UBXN11: variants seen among roughly 807,000 people sequenced by gnomAD.
UBXN11 encodes the protein UBX domain-containing protein 11.
A neutral mutation model predicts 62.8 loss-of-function variants in UBXN11; 47 were observed. The ratio of observed to expected loss-of-function variants is 0.75; its 90% CI spans 0.59 to 0.95. UBXN11 has a LOEUF of 0.95. UBXN11 is among the 40% of genes least tolerant of loss of function. UBXN11 has a pLI of 0.00. For synonymous variants in UBXN11, 294 were observed against 267.0 expected, an observed-to-expected ratio of 1.10 and a Z score of -0.99; for missense variants, 638 against 661.7, an observed-to-expected ratio of 0.96 and a Z score of 0.39.
chr1:26,285,744 G>A lies in UBXN11; in HGVS notation c.774+79C>T, dbSNP rs1418853867. 3.3e-6 allele frequency: 5 copies of A among 1,506,310 alleles called. No homozygotes were observed. In the African/African-American group the frequency reaches 5.5e-5, roughly 17 times the overall value. The allele number at this position is 1,506,310 out of a possible 1,614,324, so 93.3% of individuals were successfully genotyped here. ...CCGTGGAGGGCAGGCTGGGCCTGGG[G>A]TGAGCTGGCTTCATCATCCCCAACT... On this transcript the variant is annotated intron_variant, in intron 9 of 14. Coordinates refer to ENST00000374222, the MANE Select transcript of UBXN11 (RefSeq NM_001389556.1).
Position 26,294,423 on chromosome 1 carries a change from C to T in UBXN11, c.433-92G>A, listed in dbSNP as rs896204738. 2.6e-6 allele frequency: 4 copies of T among 1,541,362 alleles called. No individual in the cohort carries two copies. In the African/African-American group the frequency reaches 4.1e-5, roughly 16 times the overall value. ...CAGCCCAAAGCCCAGCCTCAGTCTG[C>T]AGGCAATGGGGCCCCCAGAGCTGAC... On this transcript the variant is annotated intron_variant, in intron 7 of 14. Transcript: ENST00000374222.
In UBXN11 at chr1:26,285,868, CATG is replaced by C. The variant is rs1290903462; in HGVS notation, c.726_728del (p.Ile242del). 22 of 1,612,368 alleles carry C rather than the reference CATG, an allele frequency of 1.4e-5. No individual in the cohort carries two copies. Among genetic ancestry groups the C allele is most frequent in the Non-Finnish European group, 1.8e-5 (21 of 1,178,668 alleles). On this transcript the variant is annotated inframe_deletion, in exon 9 of 15. Coordinates refer to ENST00000374222, the MANE Select transcript of UBXN11 (RefSeq NM_001389556.1). ...AGGGCTGGAAGGGCCCGTCGAACATCATGATGCCATTCCGGTAGAGCTTCAGCG... is the reference window on the plus strand; with the variant it reads ...AGGGCTGGAAGGGCCCGTCGAACATCATGCCATTCCGGTAGAGCTTCAGCG...
intron 4 of UBXN11, among the ~76,000 whole-genome samples, chr1:26,299,496 G>C (rs1286698653): frequency 7.4e-6 from 1 of 134,422 alleles, no homozygotes; most frequent in Non-Finnish European, 1.6e-5. Flanking sequence ...CTGGGCAACA[G>C]AGCAAGGCAG....
chr1:26,312,259 TC>T (rs781656845), intron 1 of UBXN11, among the ~76,000 whole-genome samples: 26 of 151,782 alleles, frequency 1.7e-4, no homozygotes, highest in African/African-American at 3.4e-4. Context: ...TTATAGCATT[TC>T]TTTTTTTTTG....
chr1:26,292,977 G>T (rs2073307270), intron 8 of UBXN11, among the ~76,000 whole-genome samples: 1 of 152,170 alleles, frequency 6.6e-6, no homozygotes, highest in African/African-American at 2.4e-5. Context: ...TAAACAGGAG[G>T]CAGGATTCTC....
At position 26,301,106 on chromosome 1, in the gene UBXN11, G is replaced by A. The variant is rs574874076; in HGVS notation, c.101-82C>T. 2.5e-4 allele frequency: 403 copies of A among 1,606,032 alleles called. 1 individual carries two copies. In the Middle Eastern group the frequency reaches 3.6e-3, roughly 15 times the overall value. On this transcript the variant is annotated intron_variant, in intron 3 of 14. Transcript: ENST00000374222. ...GGCCCTGGGCCCTCGCCAGTGTGAC[G>A]CGGCCTATGCACTGTGCCCCAGGGA...
chr1:26,310,524 G>A (rs570993892), upstream of UBXN11, among the ~76,000 whole-genome samples: 96 of 130,422 alleles, frequency 7.4e-4, 2 homozygotes, highest in Non-Finnish European at 2.2e-4. Context: ...GGCAACAAGA[G>A]CAAGACTCCA....
chr1:26,293,724 C>CAAAAAAAA lies in UBXN11; in HGVS notation c.559+473_559+480dup, dbSNP rs1163207554. Among the ~76,000 whole-genome samples, 8 of 26,942 alleles carry CAAAAAAAA rather than the reference C, an allele frequency of 3.0e-4. 1 individual carries two copies. The highest frequency in any genetic ancestry group is 3.6e-4 in the Non-Finnish European group (6 of 16,796). The allele number at this position is 26,942 out of a possible 152,430, so 17.7% of individuals were successfully genotyped here. Reference sequence around the variant, plus strand: ...TGGGTGACAGAGCAAGACTCCGTCTCAAAAAAAAAAAAAAAAAAAAAAAAA... The same window carrying CAAAAAAAA: ...TGGGTGACAGAGCAAGACTCCGTCTCAAAAAAAAAAAAAAAAAAAAAAAAAAAAAAAAA... On this transcript the variant is annotated intron_variant, in intron 8 of 14. Coordinates refer to ENST00000374222, the MANE Select transcript of UBXN11 (RefSeq NM_001389556.1).
At chr1:26,297,129 G>C (rs1028036161) in intron 6 of UBXN11, 134 bp from the exon 7 acceptor site, 1 of 1,088,152 alleles carries the variant, frequency 9.2e-7, no homozygotes, top group Non-Finnish European at 1.3e-6. Context: ...CACCTCTCTG[G>C]CCTCTCCTCT....
intron 8 of UBXN11, 25 bp downstream of exon 8, chr1:26,294,180 G>T (rs751278301): frequency 1.9e-6 from 3 of 1,612,694 alleles, no homozygotes; most frequent in Admixed American, 3.3e-5. Context: ...TTTGAAGAGG[G>T]CCTGGGGCAG....
intron 8 of UBXN11, among the ~76,000 whole-genome samples, chr1:26,290,878 G>C (rs1404825374): frequency 6.6e-6 from 1 of 152,116 alleles, no homozygotes; most frequent in African/African-American, 2.4e-5. Context: ...GAGCTGACCA[G>C]AGCTCTCAGC....
At chr1:26,297,899 TC>T in intron 5 of UBXN11, 62 bp downstream of exon 5, 7 of 1,560,558 alleles carry the variant, frequency 4.5e-6, no homozygotes, top group South Asian at 1.2e-5. Context: ...ACTCCTGGCC[TC>T]CCCAGCCCAG....
rs201128406 is a variant in UBXN11, at chr1:26,282,938, C to A, written c.1078-1G>T. On this transcript the variant is annotated splice_acceptor_variant, in intron 12 of 14. Transcript: ENST00000374222. LOFTEE classifies it high-confidence loss of function. ...TCCGGGCAGGCAATGGGCAGCAGTTCTGGAAGGTATCAGTGGAGGGTGGAC... is the reference window on the plus strand; with the variant it reads ...TCCGGGCAGGCAATGGGCAGCAGTTATGGAAGGTATCAGTGGAGGGTGGAC... 3.7e-6 allele frequency: 6 copies of A among 1,614,166 alleles called. No homozygotes were observed. In the African/African-American group the frequency reaches 8.0e-5, roughly 22 times the overall value.
At chr1:26,282,816 G>A (rs6598952) in intron 13 of UBXN11, 27 bp from the exon 14 acceptor site, 8 of 1,614,082 alleles carry the variant, frequency 5.0e-6, no homozygotes, top group Admixed American at 3.3e-5. Context: ...CCATCAGCAC[G>A]CGGTGACCCA....
At chr1:26,301,836 G>A in intron 2 of UBXN11, 114 bp from the exon 3 acceptor site, 1 of 1,405,438 alleles carries the variant, frequency 7.1e-7, no homozygotes, top group Non-Finnish European at 9.8e-7. Context: ...ATGGAAGCAG[G>A]GCCTCTAACT....
chr1:26,282,408 G>C lies in UBXN11; in HGVS notation c.1454C>G (p.Pro485Arg). ...GGGGCCGGGACCGGGACCGGGACAG[G>C]GACCAGGACTGAATTTCAGGCTGGA... ...PKSSLKFSPG[P>R]CPGPGPGPSP... Residue 485 changes from proline to arginine, a missense_variant, in exon 15 of 15, where the codon CCC (proline) becomes CGC (arginine). By Grantham distance (103) the Pro-to-Arg change is moderately radical (BLOSUM62 -2). Transcript: ENST00000374222. 6.2e-7 allele frequency: 1 copy of C among 1,600,972 alleles called. No homozygotes were observed. Among genetic ancestry groups the C allele is most frequent in the Non-Finnish European group, 8.5e-7 (1 of 1,172,756 alleles).
At chr1:26,298,866 A>G (rs1040085068) in intron 4 of UBXN11, among the ~76,000 whole-genome samples, 7 of 151,754 alleles carry the variant, frequency 4.6e-5, no homozygotes, top group Admixed American at 4.6e-4. Context: ...TTCTTCCCCT[A>G]GACAGTGTCC....
In UBXN11 at chr1:26,282,847, C is replaced by T; in HGVS notation, c.1151+17G>A. On this transcript the variant is annotated intron_variant, in intron 13 of 14. Coordinates refer to ENST00000374222, the MANE Select transcript of UBXN11 (RefSeq NM_001389556.1). ...ACCCAACGCCCCCAGGCCCTCACCT[C>T]CTCATCCCGCCCTCACCTCTCTCGC... The T allele has an allele frequency of 6.2e-7, 1 of 1,613,648 alleles. No individual in the cohort carries two copies. Among genetic ancestry groups the T allele is most frequent in the Non-Finnish European group, 8.5e-7 (1 of 1,179,536 alleles).
chr1:26,311,969 C>A (rs1305575118), intron 1 of UBXN11, among the ~76,000 whole-genome samples: 4 of 152,188 alleles, frequency 2.6e-5, no homozygotes, highest in African/African-American at 9.6e-5. Flanking sequence ...CCACCTTAGA[C>A]GAAGCCCTCA....
Sources: gnomAD v4.1 joint callset for allele counts (sites outside exome capture counted in the v4.1 genomes callset) on GRCh38, gnomAD v4.1.1 for gene constraint, MANE v1.5 for transcripts, NCBI Gene and HGNC (gene_info 2026-07-23, HGNC 2026-07-21) for gene names.